IL26: variants seen among roughly 807,000 people sequenced by gnomAD.
IL26 encodes interleukin 26.
In IL26, 23 loss-of-function variants were observed where a neutral mutation model predicts 21.7. That is an observed-to-expected ratio of 1.06 (90% CI 0.76 to 1.50). The LOEUF (loss-of-function observed/expected upper bound fraction) is 1.50. Among genes scored for constraint, IL26 ranks in the 40% most tolerant of loss-of-function variants. IL26 has a pLI of 0.00. For missense variants in IL26, 204 were observed against 196.0 expected (o/e 1.04, Z -0.24); for synonymous variants, 63 against 67.8 (o/e 0.93, Z 0.34).
chr12:68,209,786 T>C (rs1327407096), intron 3 of IL26, among the ~76,000 whole-genome samples: 1 of 152,168 alleles, frequency 6.6e-6, no homozygotes, highest in Non-Finnish European at 1.5e-5. Flanking sequence ...TAGTGGGTTA[T>C]GAGTCGACAG....
intron 3 of IL26, among the ~76,000 whole-genome samples, chr12:68,212,270 T>C (rs7299317): frequency 0.27 from 41,420 of 152,132 alleles, 7,075 homozygotes; most frequent in Non-Finnish European, 0.4. Flanking sequence ...TACCATGCTC[T>C]TCTGGTTACT....
chr12:68,207,925 T>G (rs1868589117), intron 3 of IL26, among the ~76,000 whole-genome samples: 1 of 152,210 alleles, frequency 6.6e-6, no homozygotes, highest in Non-Finnish European at 1.5e-5. Flanking sequence ...TTTTCCATAT[T>G]TCTAGGATAC....
At chr12:68,212,398 T>G (rs1868759015) in intron 3 of IL26, among the ~76,000 whole-genome samples, 1 of 152,088 alleles carries the variant, frequency 6.6e-6, no homozygotes. Context: ...CCATGTAAAT[T>G]TTACCATGTT....
chr12:68,210,645 A>C (rs1868699501), intron 3 of IL26, among the ~76,000 whole-genome samples: 1 of 152,144 alleles, frequency 6.6e-6, no homozygotes. Context: ...AAAAGTTTAC[A>C]AAACATCATT....
At chr12:68,208,963 C>G (rs1868625520) in intron 3 of IL26, among the ~76,000 whole-genome samples, 1 of 152,182 alleles carries the variant, frequency 6.6e-6, no homozygotes, top group Non-Finnish European at 1.5e-5. Context: ...TCAGGGTCCA[C>G]AAGCCTACTT....
At chr12:68,221,835 A>G (rs138399252) in intron 3 of IL26, among the ~76,000 whole-genome samples, 5 of 152,356 alleles carry the variant, frequency 3.3e-5, no homozygotes, top group African/African-American at 1.2e-4. Flanking sequence ...TAAGTATTCC[A>G]TCATTGGAAT....
chr12:68,214,338 G>A (rs1341180849), intron 3 of IL26, among the ~76,000 whole-genome samples: 1 of 152,162 alleles, frequency 6.6e-6, no homozygotes, highest in Non-Finnish European at 1.5e-5. Flanking sequence ...GCAGTTGGGT[G>A]AATTATTCTG....
intron 3 of IL26, among the ~76,000 whole-genome samples, chr12:68,223,180 G>C (rs971589573): frequency 6.6e-6 from 1 of 152,212 alleles, no homozygotes; most frequent in East Asian, 1.9e-4. Flanking sequence ...TTTACCCCAG[G>C]GCATAAACTG....
At chr12:68,214,448 A>G (rs898358681) in intron 3 of IL26, among the ~76,000 whole-genome samples, 2 of 152,168 alleles carry the variant, frequency 1.3e-5, no homozygotes, top group Non-Finnish European at 2.9e-5. Flanking sequence ...GTCCTCTGCT[A>G]TTATTGTATT....
chr12:68,218,064 GA>G, intron 3 of IL26, among the ~76,000 whole-genome samples: 1 of 152,178 alleles, frequency 6.6e-6, no homozygotes, highest in East Asian at 1.9e-4. Flanking sequence ...AACAAGATCT[GA>G]AAAGATCAAA....
At chr12:68,206,226 T>A (rs145527576) in intron 3 of IL26, among the ~76,000 whole-genome samples, 9 of 152,366 alleles carry the variant, frequency 5.9e-5, no homozygotes, top group Admixed American at 5.9e-4. Flanking sequence ...AATAGTGTAA[T>A]CTAAACTTTG....
rs561365868 is a variant in IL26 at position 68,218,175 on chromosome 12, T to C, written c.363+6974A>G. On this transcript the variant is annotated intron_variant, in intron 3 of 4. Transcript: ENST00000229134. ...TCCAACAAGGTAAAATTCATAATAT[T>C]TGACATTTGATCAAAATTACCAGCC... Among the ~76,000 whole-genome samples, 16 of 152,172 alleles carry C rather than the reference T, an allele frequency of 1.1e-4. No individual in the cohort carries two copies. In the South Asian group the frequency reaches 3.3e-3, roughly 32 times the overall value.
At chr12:68,208,478 TTTTCTTTC>T (rs3052112) in intron 3 of IL26, among the ~76,000 whole-genome samples, 2 of 150,646 alleles carry the variant, frequency 1.3e-5, no homozygotes, top group African/African-American at 2.4e-5. Flanking sequence ...GAAGAAAGCA[TTTTCTTTC>T]TTTCTTTCTT....
chr12:68,206,363 T>C (rs558768758), intron 3 of IL26, among the ~76,000 whole-genome samples: 55 of 152,172 alleles, frequency 3.6e-4, no homozygotes, highest in Non-Finnish European at 6.5e-4. Context: ...AGATGTTGTA[T>C]ATGGGGGCAA....
At chr12:68,212,595 A>G (rs1440504464) in intron 3 of IL26, among the ~76,000 whole-genome samples, 1 of 152,012 alleles carries the variant, frequency 6.6e-6, no homozygotes. Flanking sequence ...TCAATGTTTT[A>G]TAGTTTTTCT....
In IL26 at chr12:68,225,592, C is replaced by T. The variant is rs1490770742; in HGVS notation, c.165G>A (p.Thr55=). The T allele has an allele frequency of 2.5e-6, 4 of 1,613,898 alleles. No individual in the cohort carries two copies. The highest frequency in any genetic ancestry group is 3.4e-6 in the Non-Finnish European group (4 of 1,179,882). ...LYIKAAWLKA[T]IPEDRIKNIR... is the part of the protein sequence containing the mutation. ...AGCAGAGCCTAATACTTACTGGAAT[C>T]GTTGCTTTGAGCCATGCTGCTTTGA... The change falls in exon 1 of 5, where the codon ACG becomes ACA. Residue 55 remains threonine, a synonymous_variant. Transcript: ENST00000229134.
At chr12:68,208,962 A>C (rs1452920414) in intron 3 of IL26, among the ~76,000 whole-genome samples, 2 of 152,248 alleles carry the variant, frequency 1.3e-5, no homozygotes, top group Non-Finnish European at 2.9e-5. Flanking sequence ...CTCAGGGTCC[A>C]CAAGCCTACT....
intron 3 of IL26, among the ~76,000 whole-genome samples, chr12:68,204,124 T>C (rs1185699656): frequency 6.6e-6 from 1 of 150,698 alleles, no homozygotes; most frequent in African/African-American, 2.4e-5. Context: ...TCTAAAATCA[T>C]GTGTTAGGAT....
chr12:68,214,005 C>T (rs955600369), intron 3 of IL26, among the ~76,000 whole-genome samples: 1 of 152,032 alleles, frequency 6.6e-6, no homozygotes, highest in Admixed American at 6.6e-5. Flanking sequence ...ATAAACTTCC[C>T]TCTTAGGACT....
Sources: allele counts gnomAD v4.1 joint callset (sites outside exome capture counted in the v4.1 genomes callset), GRCh38; gene constraint gnomAD v4.1.1; transcripts MANE v1.5; gene names NCBI Gene and HGNC (gene_info 2026-07-23, HGNC 2026-07-21).